Variants in CALN1 observed in about 807,000 individuals in gnomAD.
CALN1 encodes the protein calneuron 1, also known as calcium-binding protein 8.
A neutral mutation model predicts 30.6 loss-of-function variants in CALN1; 17 were observed. The ratio of observed to expected loss-of-function variants is 0.56; its 90% confidence interval spans 0.38 to 0.83. CALN1 has a LOEUF of 0.83. Ranked by LOEUF, CALN1 falls within the 40% of genes least tolerant of loss-of-function variation. The probability of loss-of-function intolerance (pLI) is 0.00; values close to 1 mark genes in which losing one functional copy is unlikely to be tolerated. For missense variants in CALN1, 291 were observed against 354.9 expected (o/e 0.82, Z 1.45); for synonymous variants, 156 against 131.4 (o/e 1.19, Z -1.28).
At chr7:72,335,445 CT>C (rs576899299) in intron 2 of CALN1, among the ~76,000 whole-genome samples, 1 of 152,222 alleles carries the variant, frequency 6.6e-6, no homozygotes, top group Non-Finnish European at 1.5e-5. Context: ...TCTACCCATT[CT>C]TTCTGAGAAG....
At chr7:71,823,570 T>G (rs1279884137) in intron 5 of CALN1, among the ~76,000 whole-genome samples, 1 of 151,914 alleles carries the variant, frequency 6.6e-6, no homozygotes, top group Non-Finnish European at 1.5e-5. Flanking sequence ...ATATAAAAAT[T>G]AGCCGGGCAT....
chr7:71,956,604 G>A (rs1302866401), intron 5 of CALN1, among the ~76,000 whole-genome samples: 1 of 151,892 alleles, frequency 6.6e-6, no homozygotes, highest in African/African-American at 2.4e-5. Context: ...TGGGATTACA[G>A]GGGCTGACTG....
intron 5 of CALN1, among the ~76,000 whole-genome samples, chr7:71,895,910 A>G (rs936383089): frequency 6.6e-6 from 1 of 152,174 alleles, no homozygotes; most frequent in Non-Finnish European, 1.5e-5. Context: ...TAGATTCTAA[A>G]CTAATAGGAG....
intron 4 of CALN1, among the ~76,000 whole-genome samples, chr7:72,078,865 G>A (rs1214534162): frequency 1.3e-5 from 2 of 152,200 alleles, no homozygotes; most frequent in African/African-American, 4.8e-5. Flanking sequence ...GAACCTGGGA[G>A]ATGGAGGTTG....
chr7:72,413,661 GCA>G (rs1435323547), upstream of CALN1, among the ~76,000 whole-genome samples: 2 of 151,436 alleles, frequency 1.3e-5, no homozygotes, highest in Admixed American at 6.6e-5. Context: ...TCACAGTTAT[GCA>G]CACACTCATA....
intron 2 of CALN1, among the ~76,000 whole-genome samples, chr7:72,353,303 A>G (rs1420866285): frequency 6.6e-6 from 1 of 152,208 alleles, no homozygotes; most frequent in Non-Finnish European, 1.5e-5. Context: ...ACAGAAAATG[A>G]AAATAAATGC....
At chr7:72,152,803 T>C (rs906662884) in intron 3 of CALN1, among the ~76,000 whole-genome samples, 1 of 152,208 alleles carries the variant, frequency 6.6e-6, no homozygotes, top group South Asian at 2.1e-4. Context: ...CTTGTTCCTC[T>C]AGGCTGTACA....
chr7:72,398,880 A>C (rs957572473), intron 2 of CALN1, among the ~76,000 whole-genome samples: 1 of 152,216 alleles, frequency 6.6e-6, no homozygotes, highest in African/African-American at 2.4e-5. Flanking sequence ...CAACCCTTCC[A>C]TTATAAGCCA....
At chr7:72,205,551 A>AAATATATACATACAT in intron 3 of CALN1, among the ~76,000 whole-genome samples, 6 of 83,052 alleles carry the variant, frequency 7.2e-5, no homozygotes, top group African/African-American at 4.5e-4. Flanking sequence ...GCAAAAAAAA[A>AAATATATACATACAT]ATATATATAT....
chr7:71,868,716 C>A (rs1791742863), intron 5 of CALN1, among the ~76,000 whole-genome samples: 1 of 151,970 alleles, frequency 6.6e-6, no homozygotes. Context: ...GAAGGGCCAC[C>A]CCCATGATCC....
intron 5 of CALN1, among the ~76,000 whole-genome samples, chr7:71,892,031 CAG>C (rs905181767): frequency 6.6e-6 from 1 of 152,052 alleles, no homozygotes; most frequent in African/African-American, 2.4e-5. Context: ...AGCTTGAGGG[CAG>C]AGACTATATC....
At chr7:72,221,312 CTTTTTTTTTT>C (rs1174615183) in intron 3 of CALN1, among the ~76,000 whole-genome samples, 3 of 88,968 alleles carry the variant, frequency 3.4e-5, no homozygotes, top group African/African-American at 1.3e-4. Flanking sequence ...GTCTTGGCTT[CTTTTTTTTTT>C]TTTTTTTTTT....
At chr7:72,207,479 G>A (rs1184228198) in intron 3 of CALN1, among the ~76,000 whole-genome samples, 1 of 152,108 alleles carries the variant, frequency 6.6e-6, no homozygotes, top group Non-Finnish European at 1.5e-5. Flanking sequence ...AGTAGTAGTA[G>A]TAGTAGTAGT....
intron 5 of CALN1, among the ~76,000 whole-genome samples, chr7:71,889,054 C>T (rs1056795515): frequency 6.6e-6 from 1 of 152,206 alleles, no homozygotes; most frequent in African/African-American, 2.4e-5. Context: ...AGGCTGGGGA[C>T]AGGTGCAGGA....
intron 3 of CALN1, among the ~76,000 whole-genome samples, chr7:72,187,588 G>A (rs1235654394): frequency 6.6e-6 from 1 of 152,116 alleles, no homozygotes; most frequent in Non-Finnish European, 1.5e-5. Flanking sequence ...AGGTGGAATA[G>A]TTTTATCCCA....
rs566426547 is a variant in CALN1, at chr7:71,840,650, T to C, written c.502-30158A>G. Among the ~76,000 whole-genome samples, 108 of 152,232 alleles carry C rather than the reference T, an allele frequency of 7.1e-4. No homozygotes were observed. In the South Asian group the frequency reaches 0.014, roughly 19 times the overall value. On this transcript the variant is annotated intron_variant, in intron 5 of 6. Transcript: ENST00000395275. Reference sequence around the variant, plus strand: ...CTGTATGGCTGGGCTCTCTTAGGCATTGATTGAACCGCTCAGAGCAAAACC... The same window carrying C: ...CTGTATGGCTGGGCTCTCTTAGGCACTGATTGAACCGCTCAGAGCAAAACC...
intron 2 of CALN1, among the ~76,000 whole-genome samples, chr7:72,336,279 G>A (rs577090169): frequency 1.2e-4 from 18 of 152,298 alleles, no homozygotes; most frequent in African/African-American, 3.1e-4. Context: ...CCTGGGCTGC[G>A]GTGCGGCTCC....
chr7:71,940,005 G>A (rs1796043123), intron 5 of CALN1, among the ~76,000 whole-genome samples: 1 of 152,168 alleles, frequency 6.6e-6, no homozygotes, highest in South Asian at 2.1e-4. Context: ...AGCTTATAGA[G>A]GCTGCACAAA....
At chr7:72,094,135 G>T (rs191142705) in intron 4 of CALN1, among the ~76,000 whole-genome samples, 7 of 152,240 alleles carry the variant, frequency 4.6e-5, no homozygotes, top group African/African-American at 1.4e-4. Context: ...TTCTAGGTCT[G>T]ATGTGAATGA....
Sources: allele counts gnomAD v4.1 joint callset (sites outside exome capture counted in the v4.1 genomes callset), GRCh38; gene constraint gnomAD v4.1.1; transcripts MANE v1.5; gene names NCBI Gene and HGNC (gene_info 2026-07-23, HGNC 2026-07-21).